GSK3B: variants seen among roughly 807,000 people sequenced by gnomAD.
GSK3B encodes glycogen synthase kinase 3 beta, also known as glycogen synthase kinase-3 beta.
In GSK3B, 15 loss-of-function variants were observed where a neutral mutation model predicts 56.4. That is an observed-to-expected ratio of 0.27 (90% confidence interval 0.18 to 0.41). The LOEUF (loss-of-function observed/expected upper bound fraction) is 0.41. GSK3B is among the 10% of genes least tolerant of loss of function. The pLI, the probability that GSK3B is intolerant of heterozygous loss-of-function variation, is 1.00. For synonymous variants in GSK3B, 181 were observed against 188.9 expected, an observed-to-expected ratio of 0.96 and a Z score of 0.34; for missense variants, 300 against 513.4, an observed-to-expected ratio of 0.58 and a Z score of 4.02.
chr3:120,094,227 TCC>T lies in GSK3B; in HGVS notation c.-795_-794del. On this transcript the variant is annotated 5_prime_UTR_variant, in exon 1 of 11. Coordinates refer to ENST00000264235, the MANE Select transcript of GSK3B (RefSeq NM_001146156.2). ...ACCGCTTCCGTCCCTCGGGGCCCCC[TCC>T]CCCGTCCGCGGCAACAGCTCGGCCG... The T allele has an allele frequency of 4.5e-6, 1 of 222,668 alleles. No homozygotes were observed. Among genetic ancestry groups the T allele is most frequent in the Non-Finnish European group, 9.0e-6 (1 of 110,946 alleles). 13.8% of individuals were successfully genotyped at this position (222,668 alleles called of 1,614,324 possible). A position where few individuals can be genotyped will look rare whatever the true frequency, so the allele number is the denominator to read the frequency against.
intron 2 of GSK3B, among the ~76,000 whole-genome samples, chr3:119,966,271 G>C (rs1323356479): frequency 2.0e-5 from 3 of 152,138 alleles, no homozygotes; most frequent in Non-Finnish European, 4.4e-5. Flanking sequence ...AATCTTGATA[G>C]ATTATCCCAA....
chr3:120,019,373 T>C (rs924379493), intron 1 of GSK3B, among the ~76,000 whole-genome samples: 3 of 152,188 alleles, frequency 2.0e-5, no homozygotes, highest in Non-Finnish European at 4.4e-5. Context: ...AGCATAAGGA[T>C]TGCTAACCCA....
chr3:119,967,863 TCTC>T lies in GSK3B; in HGVS notation c.283-20515_283-20513del, dbSNP rs202112092. 8.9e-4 allele frequency among the ~76,000 whole-genome samples: 123 copies of T among 138,320 alleles called. 1 individual carries two copies. In the East Asian group the frequency reaches 0.024, roughly 27 times the overall value. 90.7% of individuals were successfully genotyped at this position (138,320 alleles called of 152,430 possible). On this transcript the variant is annotated intron_variant, in intron 2 of 10. Transcript: ENST00000264235. ...CTCTCTCTCTCTCTCTCTCTCTCTC[TCTC>T]CTTTCTTTCTTGAAAGAGTCTCGCT...
chr3:120,003,407 T>C (rs1459780610), intron 1 of GSK3B, among the ~76,000 whole-genome samples: 1 of 152,228 alleles, frequency 6.6e-6, no homozygotes, highest in Non-Finnish European at 1.5e-5. Context: ...GACTTCAACG[T>C]ACACAAAAAT....
chr3:119,919,532 G>GA (rs1191428996), intron 4 of GSK3B, among the ~76,000 whole-genome samples: 2,601 of 97,258 alleles, frequency 0.027, 66 homozygotes, highest in African/African-American at 0.086. Flanking sequence ...AAAAAAAAAA[G>GA]AAAAAAAAAA....
intron 3 of GSK3B, among the ~76,000 whole-genome samples, chr3:119,941,741 A>G (rs1015694662): frequency 1.3e-5 from 2 of 152,256 alleles, no homozygotes; most frequent in Non-Finnish European, 2.9e-5. Flanking sequence ...AGGTACTATA[A>G]TGAGCACGTG....
chr3:119,879,977 A>G (rs1274772797), intron 7 of GSK3B, among the ~76,000 whole-genome samples: 1 of 152,186 alleles, frequency 6.6e-6, no homozygotes, highest in African/African-American at 2.4e-5. Flanking sequence ...TCTTTTGGGT[A>G]TATACCTAGC....
chr3:119,958,892 CT>C (rs1420055571), intron 2 of GSK3B, among the ~76,000 whole-genome samples: 1 of 152,030 alleles, frequency 6.6e-6, no homozygotes, highest in Non-Finnish European at 1.5e-5. Flanking sequence ...AATACAGAAA[CT>C]AAAACTCGAA....
chr3:119,909,005 T>C (rs2056710174), intron 6 of GSK3B, among the ~76,000 whole-genome samples: 1 of 152,204 alleles, frequency 6.6e-6, no homozygotes, highest in South Asian at 2.1e-4. Context: ...ACAAGGTCTG[T>C]TCTATTTTTT....
intron 7 of GSK3B, among the ~76,000 whole-genome samples, chr3:119,898,403 C>G (rs2056591415): frequency 6.6e-6 from 1 of 152,072 alleles, no homozygotes; most frequent in Non-Finnish European, 1.5e-5. Flanking sequence ...AAGGAACTGA[C>G]CATTACAATG....
chr3:119,841,229 T>C (rs2055766898), intron 10 of GSK3B, among the ~76,000 whole-genome samples: 1 of 152,226 alleles, frequency 6.6e-6, no homozygotes, highest in African/African-American at 2.4e-5. Flanking sequence ...ATTTTTCAGT[T>C]TGCTGTAACC....
chr3:119,982,686 G>C (rs1455804922), intron 2 of GSK3B, among the ~76,000 whole-genome samples: 1 of 152,042 alleles, frequency 6.6e-6, no homozygotes, highest in African/African-American at 2.4e-5. Flanking sequence ...AATGAATAAA[G>C]CCTCCAAGAA....
At position 119,954,297 on chromosome 3, in the gene GSK3B, TAGAATAGAAA is replaced by T. The variant is rs879730001; in HGVS notation, c.283-6956_283-6947del. Among the ~76,000 whole-genome samples the T allele has an allele frequency of 7.5e-3, 672 of 89,902 alleles. 4 individuals are homozygous for T. Among genetic ancestry groups the T allele is most frequent in the Admixed American group, 0.013 (119 of 8,956 alleles). 59.0% of individuals were successfully genotyped at this position (89,902 alleles called of 152,430 possible). The stretch of plus-strand genomic sequence containing the variant: ...TAGAATAGAATAGAATAGAATAGAA[TAGAATAGAAA>T]AGAAACAGAACAGAACAGAACAGCA... On this transcript the variant is annotated intron_variant, in intron 2 of 10. Transcript: ENST00000264235.
chr3:120,072,861 T>C (rs890558796), intron 1 of GSK3B, among the ~76,000 whole-genome samples: 1 of 152,198 alleles, frequency 6.6e-6, no homozygotes, highest in Admixed American at 6.5e-5. Context: ...ACTTCTGTTC[T>C]TGCCTTGGAT....
intron 9 of GSK3B, among the ~76,000 whole-genome samples, chr3:119,852,536 C>T (rs548340050): frequency 3.3e-5 from 5 of 151,924 alleles, no homozygotes; most frequent in African/African-American, 7.2e-5. Context: ...TTAGTAGAGA[C>T]GGGTTTTCGC....
At chr3:120,067,900 AC>A (rs1388084275) in intron 1 of GSK3B, among the ~76,000 whole-genome samples, 1 of 152,254 alleles carries the variant, frequency 6.6e-6, no homozygotes, top group East Asian at 1.9e-4. Flanking sequence ...TAGTAAAAAA[AC>A]AAACCATGTT....
At chr3:119,936,899 A>T (rs929669338) in intron 3 of GSK3B, among the ~76,000 whole-genome samples, 6 of 152,032 alleles carry the variant, frequency 3.9e-5, no homozygotes, top group African/African-American at 1.2e-4. Context: ...CCCAACATAC[A>T]TATACAGAAT....
At chr3:119,968,615 T>A (rs187817236) in intron 2 of GSK3B, among the ~76,000 whole-genome samples, 20 of 152,186 alleles carry the variant, frequency 1.3e-4, no homozygotes, top group Non-Finnish European at 2.6e-4. Flanking sequence ...TTCAGCTTGA[T>A]AAAGTACAAT....
intron 1 of GSK3B, among the ~76,000 whole-genome samples, chr3:120,060,200 A>G (rs1331997729): frequency 5.3e-5 from 8 of 152,246 alleles, no homozygotes; most frequent in Non-Finnish European, 1.5e-5. Flanking sequence ...CAAGGTGATA[A>G]GTGTTAGAAG....
Sources: allele counts gnomAD v4.1 joint callset (sites outside exome capture counted in the v4.1 genomes callset), GRCh38; gene constraint gnomAD v4.1.1; transcripts MANE v1.5; gene names NCBI Gene and HGNC (gene_info 2026-07-23, HGNC 2026-07-21).